AGBL4: variants seen among roughly 807,000 people sequenced by gnomAD.
AGBL4 encodes cytosolic carboxypeptidase 6.
In AGBL4, 58 loss-of-function variants were observed where a neutral mutation model predicts 66.4. The observed-to-expected ratio is 0.87, with a 90% CI of 0.71 to 1.09. The LOEUF (loss-of-function observed/expected upper bound fraction) is 1.09. Among genes scored for constraint, AGBL4 ranks in the 50% least tolerant of loss-of-function variants. The pLI is 0.00. For missense variants in AGBL4, 579 were observed against 631.0 expected, an observed-to-expected ratio of 0.92 and a Z score of 0.88; for synonymous variants, 234 against 222.9, an observed-to-expected ratio of 1.05 and a Z score of -0.44.
At chr1:49,846,673 A>G (rs887511849) in intron 2 of AGBL4, among the ~76,000 whole-genome samples, 49 of 152,318 alleles carry the variant, frequency 3.2e-4, no homozygotes, top group African/African-American at 1.1e-3. Context: ...AGGCAACCCC[A>G]TTTACAACAA....
intron 3 of AGBL4, among the ~76,000 whole-genome samples, chr1:49,573,146 CTGTGTGTG>C (rs57980631): frequency 0.018 from 2,434 of 136,646 alleles, 56 homozygotes; most frequent in African/African-American, 0.054. Context: ...GTGTGTGTGT[CTGTGTGTG>C]TGTGTGTGTG....
In AGBL4 at chr1:49,824,695, CAT is replaced by C. The variant is rs1571647395; in HGVS notation, c.157+26699_157+26700del. ...GAATGGCTTTTAAGACAAAGATAAT[CAT>C]ATAAACTAAAGCAAGGAAGCATAAA... is the stretch of plus-strand genomic sequence containing the variant. On this transcript the variant is annotated intron_variant, in intron 2 of 13. Coordinates refer to ENST00000371839, the MANE Select transcript of AGBL4 (RefSeq NM_032785.4). Among the ~76,000 whole-genome samples the C allele has an allele frequency of 1.3e-5, 2 of 152,114 alleles. 1 individual carries two copies. Among genetic ancestry groups the C allele is most frequent in the East Asian group, 3.8e-4 (2 of 5,202 alleles).
chr1:48,988,429 C>G (rs2148974487), intron 5 of AGBL4, among the ~76,000 whole-genome samples: 1 of 152,220 alleles, frequency 6.6e-6, no homozygotes, highest in East Asian at 1.9e-4. Flanking sequence ...AGACTATATA[C>G]CTGGATAAAC....
intron 4 of AGBL4, among the ~76,000 whole-genome samples, chr1:49,120,595 T>C (rs148963102): frequency 1.2e-3 from 178 of 152,320 alleles, no homozygotes; most frequent in African/African-American, 4.1e-3. Context: ...CCTTTGTGAG[T>C]TACCTGACCT....
intron 3 of AGBL4, among the ~76,000 whole-genome samples, chr1:49,481,834 A>G (rs973562686): frequency 5.9e-5 from 9 of 151,800 alleles, no homozygotes; most frequent in African/African-American, 2.2e-4. Flanking sequence ...TTTAACATAA[A>G]GAGATGTGAA....
At chr1:49,820,700 A>G (rs1159817114) in intron 2 of AGBL4, among the ~76,000 whole-genome samples, 1 of 152,204 alleles carries the variant, frequency 6.6e-6, no homozygotes, top group East Asian at 1.9e-4. Context: ...ACTGGTTATT[A>G]GCTTGTACTT....
intron 6 of AGBL4, among the ~76,000 whole-genome samples, chr1:48,680,527 G>A (rs1218246991): frequency 3.3e-5 from 5 of 152,164 alleles, no homozygotes; most frequent in African/African-American, 9.7e-5. Context: ...ATCACTCCCC[G>A]ACCCTGTCCC....
chr1:49,010,430 A>G (rs1397066187), intron 5 of AGBL4, among the ~76,000 whole-genome samples: 1 of 135,370 alleles, frequency 7.4e-6, no homozygotes, highest in East Asian at 2.0e-4. Flanking sequence ...GGAAGAATCA[A>G]TATCGTGAAA....
chr1:49,955,457 C>T (rs114364260), intron 1 of AGBL4, among the ~76,000 whole-genome samples: 1,662 of 152,030 alleles, frequency 0.011, 26 homozygotes, highest in African/African-American at 0.038. Flanking sequence ...TTAAAGCATA[C>T]AAATATGCCT....
chr1:48,584,595 A>G (rs955916772), intron 11 of AGBL4: 6 of 152,522 alleles, frequency 3.9e-5, no homozygotes, highest in African/African-American at 1.4e-4. Flanking sequence ...GCACACCTGT[A>G]ATCCCAGCTA....
intron 3 of AGBL4, among the ~76,000 whole-genome samples, chr1:49,575,600 G>A (rs994550920): frequency 1.3e-5 from 2 of 152,222 alleles, no homozygotes; most frequent in Admixed American, 6.5e-5. Flanking sequence ...AAGACAGATG[G>A]ATATTGGAAA....
rs571252284 is a variant in AGBL4, at chr1:49,050,320, A to G, written c.378-4520T>C. ...GTACACACTCAACACATTCACGAAC[A>G]TACTCTATTATAACTTCTATCTCAT... On this transcript the variant is annotated intron_variant, in intron 4 of 13. Coordinates refer to ENST00000371839, the MANE Select transcript of AGBL4 (RefSeq NM_032785.4). Among the ~76,000 whole-genome samples, 64 of 152,162 alleles carry G rather than the reference A, an allele frequency of 4.2e-4. No homozygotes were observed. The Middle Eastern group carries it at 0.01, about 24-fold the overall frequency.
chr1:49,141,529 T>C (rs979427133), intron 4 of AGBL4, among the ~76,000 whole-genome samples: 6 of 152,230 alleles, frequency 3.9e-5, no homozygotes, highest in Admixed American at 3.9e-4. Flanking sequence ...TTTATTAAAT[T>C]ATCCTCAAAT....
chr1:49,884,210 C>T (rs1647761063), intron 1 of AGBL4, among the ~76,000 whole-genome samples: 1 of 151,930 alleles, frequency 6.6e-6, no homozygotes, highest in Non-Finnish European at 1.5e-5. Context: ...ATTGAATCCA[C>T]CTACTTCAGA....
intron 5 of AGBL4, among the ~76,000 whole-genome samples, chr1:48,965,200 A>G (rs1188141463): frequency 1.3e-5 from 2 of 152,180 alleles, no homozygotes; most frequent in Non-Finnish European, 2.9e-5. Flanking sequence ...CTGTACTAGG[A>G]AAGCAGGGAT....
chr1:49,035,789 G>T (rs1432192121), intron 5 of AGBL4, among the ~76,000 whole-genome samples: 1 of 151,948 alleles, frequency 6.6e-6, no homozygotes, highest in Non-Finnish European at 1.5e-5. Flanking sequence ...TGCCTGACTA[G>T]CTACCTACTG....
intron 2 of AGBL4, among the ~76,000 whole-genome samples, chr1:49,804,572 A>G (rs1442777353): frequency 6.6e-6 from 1 of 152,204 alleles, no homozygotes; most frequent in Non-Finnish European, 1.5e-5. Context: ...TGAATTCATT[A>G]CATTTATTAC....
At chr1:48,898,558 C>A (rs1651762619) in intron 5 of AGBL4, among the ~76,000 whole-genome samples, 1 of 152,180 alleles carries the variant, frequency 6.6e-6, no homozygotes, top group Non-Finnish European at 1.5e-5. Flanking sequence ...ATTGAAAAGA[C>A]CATCCTTTCC....
chr1:49,045,570 G>A lies in AGBL4; in HGVS notation c.594+14C>T. 2 of 1,600,560 alleles carry A rather than the reference G, an allele frequency of 1.2e-6. No homozygotes were observed. The highest frequency in any genetic ancestry group is 1.7e-6 in the Non-Finnish European group (2 of 1,172,980). On this transcript the variant is annotated intron_variant, in intron 5 of 13. Coordinates refer to ENST00000371839, the MANE Select transcript of AGBL4 (RefSeq NM_032785.4). ...GTTTCCAAATGAGTAACCCAAACCT[G>A]GCACAGGCCTTACCACACTCTGGCC...
Sources: gnomAD v4.1 joint callset for allele counts (sites outside exome capture counted in the v4.1 genomes callset) on GRCh38, gnomAD v4.1.1 for gene constraint, MANE v1.5 for transcripts, NCBI Gene and HGNC (gene_info 2026-07-23, HGNC 2026-07-21) for gene names.